Variants in ARHGEF7 observed in about 807,000 individuals in gnomAD.
ARHGEF7 encodes Rho guanine nucleotide exchange factor 7.
Under a neutral mutation model 109.8 loss-of-function variants are expected in ARHGEF7, and 33 were observed. The observed-to-expected ratio is 0.30, with a 90% CI of 0.23 to 0.40. The LOEUF (loss-of-function observed/expected upper bound fraction) is 0.40. Among genes scored for constraint, ARHGEF7 ranks in the 10% least tolerant of loss-of-function variants. ARHGEF7 has a pLI of 1.00. For synonymous variants in ARHGEF7, 458 were observed against 424.6 expected (o/e 1.08, Z -0.97); for missense variants, 938 against 1,098.5 (o/e 0.85, Z 2.07).
At chr13:111,139,573 G>A (rs940070450) in intron 1 of ARHGEF7, among the ~76,000 whole-genome samples, 2 of 150,374 alleles carry the variant, frequency 1.3e-5, no homozygotes, top group East Asian at 2.0e-4. Context: ...GGGTGCCTGC[G>A]TGGAGCACTG....
intron 2 of ARHGEF7, among the ~76,000 whole-genome samples, chr13:111,164,023 C>G (rs2076940575): frequency 6.6e-6 from 1 of 152,066 alleles, no homozygotes; most frequent in African/African-American, 2.4e-5. Context: ...CTCAGCAGCC[C>G]ATCTGTGAGT....
intron 1 of ARHGEF7, among the ~76,000 whole-genome samples, chr13:111,121,229 A>ACCTGCAGAAGCT (rs1041878903): frequency 2.0e-5 from 3 of 152,146 alleles, no homozygotes; most frequent in African/African-American, 4.8e-5. Context: ...CCCTGGGGGA[A>ACCTGCAGAAGCT]CCTGCAGAAG....
chr13:111,127,131 C>T lies in ARHGEF7; in HGVS notation c.165+11440C>T, dbSNP rs74340860. On this transcript the variant is annotated intron_variant, in intron 1 of 21. Transcript: ENST00000646102. ...GAAAGATAATAAGTGGATATGAAAA[C>T]ATTGTTATGCCAACAATTTCTACAA... Among the ~76,000 whole-genome samples, 10 of 152,242 alleles carry T rather than the reference C, an allele frequency of 6.6e-5. 1 individual carries two copies. In the East Asian group the frequency reaches 1.9e-3, roughly 29 times the overall value.
At chr13:111,123,206 C>T (rs1359396072) in intron 1 of ARHGEF7, among the ~76,000 whole-genome samples, 1 of 152,236 alleles carries the variant, frequency 6.6e-6, no homozygotes, top group African/African-American at 2.4e-5. Context: ...GAAAGGCTTG[C>T]ACTTTTCTGC....
At position 111,271,771 on chromosome 13, in the gene ARHGEF7, A is replaced by G. The variant is rs372755794; in HGVS notation, c.1074-2043A>G. On this transcript the variant is annotated intron_variant, in intron 9 of 21. Coordinates refer to ENST00000646102, the MANE Select transcript of ARHGEF7 (RefSeq NM_001354046.2). ...TACAGAAATAATTATGAAGCCTTAT[A>G]TATGGAGTTGATAAAATGTTTCTTG... Among the ~76,000 whole-genome samples the G allele has an allele frequency of 3.3e-4, 51 of 152,362 alleles. No individual in the cohort carries two copies. The South Asian group carries it at 0.01, about 31-fold the overall frequency.
chr13:111,234,360 T>C (rs1339277698), intron 6 of ARHGEF7, among the ~76,000 whole-genome samples: 1 of 152,192 alleles, frequency 6.6e-6, no homozygotes, highest in Non-Finnish European at 1.5e-5. Context: ...CCACCTTCCA[T>C]CTGCCCCAGC....
chr13:111,173,167 A>G (rs2077759089), intron 2 of ARHGEF7, among the ~76,000 whole-genome samples: 1 of 152,152 alleles, frequency 6.6e-6, no homozygotes, highest in African/African-American at 2.4e-5. Flanking sequence ...GTCAGAGTGC[A>G]CACAGATCCT....
chr13:111,217,884 A>G lies in ARHGEF7; in HGVS notation c.670+4A>G, dbSNP rs766094366. 99 of 1,608,782 alleles carry G rather than the reference A, an allele frequency of 6.2e-5. 1 individual carries two copies. Among genetic ancestry groups the G allele is most frequent in the Non-Finnish European group, 8.1e-5 (95 of 1,176,092 alleles). On this transcript the variant is annotated splice_donor_region_variant and intron_variant, in intron 5 of 21. Coordinates refer to ENST00000646102, the MANE Select transcript of ARHGEF7 (RefSeq NM_001354046.2). ...GTGCGCGAGGTCAAGGCCAGCGGTA[A>G]GTGGCCGAGCCTGGGCTGTGTGTGG...
Position 111,145,293 on chromosome 13 carries a change from C to A in ARHGEF7, c.166-8612C>A, listed in dbSNP as rs1169419448. Among the ~76,000 whole-genome samples the A allele has an allele frequency of 6.6e-6, 1 of 152,106 alleles. No homozygotes were observed. The highest frequency in any genetic ancestry group is 2.4e-5 in the African/African-American group (1 of 41,378). The stretch of plus-strand genomic sequence containing the variant: ...GCCAGGAAGCTCTCCAGGTTAGGGC[C>A]AGGCAGAAAACAGATAGATGGCACA... On this transcript the variant is annotated intron_variant, in intron 1 of 21. Coordinates refer to ENST00000646102, the MANE Select transcript of ARHGEF7 (RefSeq NM_001354046.2). The surrounding 1 kb of genome is among the most constrained non-coding windows in gnomAD (Gnocchi z 4.3).
At chr13:111,137,961 G>A (rs1276679175) in intron 1 of ARHGEF7, among the ~76,000 whole-genome samples, 2 of 152,208 alleles carry the variant, frequency 1.3e-5, no homozygotes, top group Admixed American at 6.5e-5. Context: ...AATCAACCAT[G>A]TTGCCTGGTT....
chr13:111,194,512 C>T (rs902994999), intron 2 of ARHGEF7, among the ~76,000 whole-genome samples: 1 of 152,180 alleles, frequency 6.6e-6, no homozygotes, highest in African/African-American at 2.4e-5. Context: ...TTTCTGAGGG[C>T]CCTGGTCCGT....
At position 111,139,835 on chromosome 13, in the gene ARHGEF7, G is replaced by A. The variant is rs75840134; in HGVS notation, c.166-14070G>A. ...AGGTGGGCAGTCCTGGGAGAGCACTGGGAAGCCCATGGGCAGCTGGCCGCA... is the reference window on the plus strand; with the variant it reads ...AGGTGGGCAGTCCTGGGAGAGCACTAGGAAGCCCATGGGCAGCTGGCCGCA... On this transcript the variant is annotated intron_variant, in intron 1 of 21. Transcript: ENST00000646102. Among the ~76,000 whole-genome samples the A allele has an allele frequency of 1.0e-2, 1,521 of 152,352 alleles. 17 individuals are homozygous for A. Among genetic ancestry groups the A allele is most frequent in the Middle Eastern group, 0.024 (7 of 294 alleles).
At chr13:111,115,780 C>A in intron 1 of ARHGEF7, 89 bp downstream of exon 1, 2 of 766,190 alleles carry the variant, frequency 2.6e-6, no homozygotes, top group Non-Finnish European at 3.3e-6. Context: ...GCCGGCCGCG[C>A]TCGGGAAACC....
chr13:111,181,661 A>G (rs1158220273), intron 2 of ARHGEF7, among the ~76,000 whole-genome samples: 1 of 152,220 alleles, frequency 6.6e-6, no homozygotes, highest in Non-Finnish European at 1.5e-5. Flanking sequence ...GAGGTGAACA[A>G]GATATCTGTG....
intron 1 of ARHGEF7, among the ~76,000 whole-genome samples, chr13:111,139,743 A>C (rs2075263694): frequency 6.6e-6 from 1 of 152,216 alleles, no homozygotes; most frequent in Non-Finnish European, 1.5e-5. Context: ...CTGTAACCAG[A>C]GCTTGCTCTG....
At chr13:111,154,787 C>G (rs1195463913) in intron 2 of ARHGEF7, among the ~76,000 whole-genome samples, 1 of 152,140 alleles carries the variant, frequency 6.6e-6, no homozygotes, top group South Asian at 2.1e-4. Context: ...CTTTGCTTTT[C>G]TTGGGATCTG....
intron 19 of ARHGEF7, among the ~76,000 whole-genome samples, chr13:111,299,542 C>T (rs992179415): frequency 2.6e-5 from 4 of 152,012 alleles, no homozygotes; most frequent in South Asian, 2.1e-4. Flanking sequence ...CGGGGTTTCA[C>T]CATGTTAACC....
chr13:111,273,291 G>C lies in ARHGEF7; in HGVS notation c.1074-523G>C, dbSNP rs753651065. On this transcript the variant is annotated intron_variant, in intron 9 of 21. Coordinates refer to ENST00000646102, the MANE Select transcript of ARHGEF7 (RefSeq NM_001354046.2). The surrounding 1 kb of genome is among the most constrained non-coding windows in gnomAD (Gnocchi z 4.5). The stretch of plus-strand genomic sequence containing the variant: ...TTGCTCTCTTCTCTTGCTGCTTCTC[G>C]TGCTCCTCACCCCAAGAGCCATTGC... Among the ~76,000 whole-genome samples the C allele has an allele frequency of 3.9e-5, 6 of 152,140 alleles. No individual in the cohort carries two copies. The highest frequency in any genetic ancestry group is 2.0e-4 in the Admixed American group (3 of 15,280).
At position 111,209,884 on chromosome 13, in the gene ARHGEF7, G is replaced by A. The variant is rs2153475453; in HGVS notation, c.350G>A (p.Gly117Glu). Reference protein sequence around the residue: ...LNKVTADIGLGSDSVCARPSS... With the variant: ...LNKVTADIGLESDSVCARPSS... ...ATGCTCTTTGCAGACATCGGGCTGG[G>A]GAGTGACTCCGTGTGTGCCCGGCCC... is the stretch of plus-strand genomic sequence containing the variant. Residue 117 changes from glycine (G) to glutamate (E), a missense_variant, in exon 4 of 22, where the codon GGG becomes GAG. Gly to Glu is a moderately conservative substitution (Grantham distance 98). Around this residue, in one of 4 missense-constraint regions of ARHGEF7, gnomAD observed 585 missense variants for 723.6 expected, o/e 0.81. Transcript: ENST00000646102. The A allele has an allele frequency of 1.2e-6, 2 of 1,614,174 alleles. No individual in the cohort carries two copies. The highest frequency in any genetic ancestry group is 4.5e-5 in the East Asian group (2 of 44,882).
Sources: gnomAD v4.1 joint callset for allele counts (sites outside exome capture counted in the v4.1 genomes callset) on GRCh38, gnomAD v4.1.1 for gene constraint, gnomAD v4.1.1 regional missense constraint, Gnocchi (gnomAD v3.1) non-coding constraint, MANE v1.5 for transcripts, NCBI Gene and HGNC (gene_info 2026-07-23, HGNC 2026-07-21) for gene names.